Variants in SLC24A3 observed in about 807,000 individuals in gnomAD.
The protein encoded by SLC24A3 is sodium/potassium/calcium exchanger 3.
Under a neutral mutation model 75.8 loss-of-function variants are expected in SLC24A3, and 28 were observed. That is an observed-to-expected ratio of 0.37 (90% CI 0.27 to 0.51). The LOEUF is 0.51. Ranked by LOEUF, SLC24A3 falls within the 20% of genes least tolerant of loss-of-function variation. SLC24A3 has a pLI of 0.94. For missense variants in SLC24A3, 663 were observed against 847.8 expected, an observed-to-expected ratio of 0.78 and a Z score of 2.71; for synonymous variants, 372 against 334.1, an observed-to-expected ratio of 1.11 and a Z score of -1.24.
At chr20:19,227,773 A>G (rs1283576988) in intron 1 of SLC24A3, among the ~76,000 whole-genome samples, 2 of 152,192 alleles carry the variant, frequency 1.3e-5, no homozygotes, top group African/African-American at 4.8e-5. Flanking sequence ...ACTTATTAGC[A>G]TGTTAATTAT....
chr20:19,555,193 C>T (rs2030763278), intron 3 of SLC24A3, among the ~76,000 whole-genome samples: 1 of 152,208 alleles, frequency 6.6e-6, no homozygotes, highest in East Asian at 1.9e-4. Flanking sequence ...AAGAGACTCA[C>T]AAAGAGAAGA....
intron 7 of SLC24A3, among the ~76,000 whole-genome samples, chr20:19,658,335 G>A (rs1255191390): frequency 2.0e-5 from 3 of 152,190 alleles, no homozygotes; most frequent in African/African-American, 7.2e-5. Context: ...CAGCTGATGC[G>A]GGCGGGGCAT....
intron 1 of SLC24A3, among the ~76,000 whole-genome samples, chr20:19,252,646 G>A (rs892466710): frequency 3.1e-4 from 46 of 148,990 alleles, no homozygotes; most frequent in Admixed American, 2.0e-4. Flanking sequence ...GGAATGGCGG[G>A]GGGGGGTGCC....
At chr20:19,689,011 A>G (rs1051752192) in intron 12 of SLC24A3, among the ~76,000 whole-genome samples, 3 of 152,202 alleles carry the variant, frequency 2.0e-5, no homozygotes, top group African/African-American at 7.2e-5. Flanking sequence ...GTATATGCAC[A>G]TACATACATA....
chr20:19,597,192 G>C (rs1406845407), intron 6 of SLC24A3, among the ~76,000 whole-genome samples: 1 of 152,084 alleles, frequency 6.6e-6, no homozygotes, highest in African/African-American at 2.4e-5. Context: ...ACAACGAACG[G>C]CCTGGGCAAC....
At chr20:19,406,750 G>T (rs1267903372) in intron 2 of SLC24A3, among the ~76,000 whole-genome samples, 1 of 152,180 alleles carries the variant, frequency 6.6e-6, no homozygotes, top group Non-Finnish European at 1.5e-5. Context: ...GCCCTCGGTG[G>T]CTGGTTCAGC....
intron 2 of SLC24A3, among the ~76,000 whole-genome samples, chr20:19,321,133 A>G (rs187989382): frequency 6.6e-6 from 1 of 152,198 alleles, no homozygotes; most frequent in Non-Finnish European, 1.5e-5. Context: ...TTTTTGTGTG[A>G]AAGCGTTTGA....
At chr20:19,582,928 C>G (rs1228924985) in intron 4 of SLC24A3, among the ~76,000 whole-genome samples, 1 of 152,052 alleles carries the variant, frequency 6.6e-6, no homozygotes, top group African/African-American at 2.4e-5. Context: ...GGCTTTGGGA[C>G]CCATGTGGAG....
intron 1 of SLC24A3, among the ~76,000 whole-genome samples, chr20:19,273,550 G>T (rs2122213661): frequency 6.6e-6 from 1 of 152,152 alleles, no homozygotes; most frequent in East Asian, 1.9e-4. Flanking sequence ...TCCCTTTGCT[G>T]ATCCTGCCAG....
chr20:19,276,111 C>T (rs993067078), intron 1 of SLC24A3, among the ~76,000 whole-genome samples: 1 of 152,114 alleles, frequency 6.6e-6, no homozygotes, highest in Admixed American at 6.5e-5. Context: ...GGGAGGATAG[C>T]CAGTGTGGGC....
At chr20:19,316,399 T>A (rs1358121513) in intron 2 of SLC24A3, among the ~76,000 whole-genome samples, 1 of 152,234 alleles carries the variant, frequency 6.6e-6, no homozygotes, top group African/African-American at 2.4e-5. Flanking sequence ...CTGCAGCCAC[T>A]GGGTCAGGGT....
chr20:19,378,807 G>A (rs964014635), intron 2 of SLC24A3, among the ~76,000 whole-genome samples: 2 of 151,914 alleles, frequency 1.3e-5, no homozygotes, highest in Non-Finnish European at 1.5e-5. Flanking sequence ...GTTAGATCTT[G>A]GGGAAAAGCA....
chr20:19,683,284 G>T (rs552706770), intron 10 of SLC24A3, among the ~76,000 whole-genome samples: 105 of 152,330 alleles, frequency 6.9e-4, no homozygotes, highest in Admixed American at 5.9e-4. Context: ...GAGCTACCTA[G>T]TATTAGCCAG....
At chr20:19,423,348 G>T (rs1986948981) in intron 2 of SLC24A3, among the ~76,000 whole-genome samples, 1 of 152,192 alleles carries the variant, frequency 6.6e-6, no homozygotes, top group African/African-American at 2.4e-5. Flanking sequence ...TAGCAGCAGG[G>T]TGAGTGCAAA....
chr20:19,654,197 G>A (rs1166491884), intron 7 of SLC24A3, 61 bp downstream of exon 7: 32 of 1,504,610 alleles, frequency 2.1e-5, no homozygotes, highest in East Asian at 2.2e-5. Context: ...GGGGTGGTGT[G>A]AGGCTCCTCC....
chr20:19,270,660 C>G (rs1051445636), intron 1 of SLC24A3, among the ~76,000 whole-genome samples: 6 of 152,126 alleles, frequency 3.9e-5, no homozygotes, highest in Non-Finnish European at 8.8e-5. Flanking sequence ...ACCTAATTAC[C>G]TCCCAATTGG....
chr20:19,523,458 G>C (rs1276556300), intron 3 of SLC24A3, among the ~76,000 whole-genome samples: 1 of 152,230 alleles, frequency 6.6e-6, no homozygotes, highest in East Asian at 1.9e-4. Flanking sequence ...AGCACAAAGA[G>C]AGTAAATTAT....
intron 6 of SLC24A3, among the ~76,000 whole-genome samples, chr20:19,614,956 G>A (rs933934635): frequency 1.3e-5 from 2 of 152,142 alleles, no homozygotes; most frequent in Non-Finnish European, 2.9e-5. Context: ...AATCTCTTCT[G>A]TTTGCTCATC....
intron 2 of SLC24A3, among the ~76,000 whole-genome samples, chr20:19,442,502 ATCT>A (rs1041619972): frequency 3.3e-5 from 5 of 152,174 alleles, no homozygotes. Context: ...TCATCTGTAC[ATCT>A]TCTTTGTCAG....
Sources: gnomAD v4.1 joint callset for allele counts (sites outside exome capture counted in the v4.1 genomes callset) on GRCh38, gnomAD v4.1.1 for gene constraint, MANE v1.5 for transcripts, NCBI Gene and HGNC (gene_info 2026-07-23, HGNC 2026-07-21) for gene names.